ZNF610: variants seen among roughly 807,000 people sequenced by gnomAD.
ZNF610 encodes the protein zinc finger protein 610, also known as zink finger protein.
In ZNF610, 14 loss-of-function variants were observed where a neutral mutation model predicts 14.1. That is an observed-to-expected ratio of 0.99 (90% CI 0.65 to 1.55). The LOEUF is 1.55. Among genes scored for constraint, ZNF610 ranks in the 40% most tolerant of loss-of-function variants. The pLI is 0.00. For synonymous variants in ZNF610, 185 were observed against 187.6 expected (o/e 0.99, Z 0.11); for missense variants, 530 against 558.0 (o/e 0.95, Z 0.51).
chr19:52,360,084 C>T (rs1985707859), intron 5 of ZNF610, among the ~76,000 whole-genome samples: 1 of 152,202 alleles, frequency 6.6e-6, no homozygotes, highest in Non-Finnish European at 1.5e-5. Context: ...TCTGGAAGCT[C>T]TCTAAATGCA....
chr19:52,353,922 A>T, intron 4 of ZNF610, 114 bp downstream of exon 4: 2 of 1,354,338 alleles, frequency 1.5e-6, no homozygotes, highest in Non-Finnish European at 2.0e-6. Context: ...AACCTTGTTG[A>T]CTCAGAAATG....
Position 52,346,817 on chromosome 19 carries a change from C to A in ZNF610, c.-257-890C>A, listed in dbSNP as rs112553861. Among the ~76,000 whole-genome samples the A allele has an allele frequency of 6.7e-3, 1,016 of 152,056 alleles. 12 individuals are homozygous for A. Among genetic ancestry groups the A allele is most frequent in the African/African-American group, 0.023 (954 of 41,446 alleles). On this transcript the variant is annotated intron_variant, in intron 1 of 5. Coordinates refer to ENST00000403906, the MANE Select transcript of ZNF610 (RefSeq NM_001161425.2). ...CGGTCTCGGCTCACTGGAACCTCCA[C>A]CTCCAGGGTTCAAGCAATTCTCCTG...
chr19:52,344,118 G>T (rs1054058659), intron 1 of ZNF610: 2 of 152,086 alleles, frequency 1.3e-5, no homozygotes, highest in East Asian at 1.9e-4. Flanking sequence ...TCTTATCACA[G>T]CACACAAGTC....
Position 52,353,777 on chromosome 19 carries a change from G to A in ZNF610, c.159G>A (p.Met53Ile). The A allele has an allele frequency of 1.2e-6, 2 of 1,613,286 alleles. No homozygotes were observed. The highest frequency in any genetic ancestry group is 1.7e-6 in the Non-Finnish European group (2 of 1,179,772). Reference sequence around the variant, plus strand: ...AGAGGGCTTTATACAGGGACGTGATGTTGGAGAACTACAGGAACCTGGTCT... The same window carrying A: ...AGAGGGCTTTATACAGGGACGTGATATTGGAGAACTACAGGAACCTGGTCT... ...PGQRALYRDVMLENYRNLVFL... is the reference protein window; with the variant it reads ...PGQRALYRDVILENYRNLVFL... Residue 53 changes from methionine to isoleucine, a missense_variant, in exon 4 of 6, where the codon ATG (methionine) becomes ATA (isoleucine). Physicochemically the swap from Met to Ile is conservative, Grantham distance 10. Transcript: ENST00000403906.
intron 5 of ZNF610, among the ~76,000 whole-genome samples, chr19:52,357,138 T>C (rs1216427470): frequency 6.6e-6 from 1 of 152,158 alleles, no homozygotes; most frequent in African/African-American, 2.4e-5. Flanking sequence ...GCTCCCTCTT[T>C]GGGTTTGATT....
At chr19:52,354,164 T>G in intron 4 of ZNF610, 87 bp from the exon 5 acceptor site, 1 of 1,547,136 alleles carries the variant, frequency 6.5e-7, no homozygotes, top group Non-Finnish European at 8.8e-7. Flanking sequence ...TCTTGATCCA[T>G]TTGCGATATC....
In ZNF610 at chr19:52,366,417, A is replaced by G. The variant is rs143480418; in HGVS notation, c.1039A>G (p.Asn347Asp). Residue 347 changes from asparagine (N) to aspartate (D), a missense_variant, in exon 6 of 6, where the codon AAT becomes GAT. Physicochemically the swap from Asn to Asp is conservative, Grantham distance 23 (BLOSUM62 1). Coordinates refer to ENST00000403906, the MANE Select transcript of ZNF610 (RefSeq NM_001161425.2). ...CACGGCGGAAAAACCTTACAAATGT[A>G]ATGAATGTGGCAAGGTCTTTAGTCT... ...SHTAEKPYKCNECGKVFSLLS... is the reference protein window; with the variant it reads ...SHTAEKPYKCDECGKVFSLLS... The G allele has an allele frequency of 2.5e-6, 4 of 1,614,086 alleles. No individual in the cohort carries two copies. The African/African-American group carries it at 4.0e-5, about 16-fold the overall frequency.
upstream of ZNF610, among the ~76,000 whole-genome samples, chr19:52,332,950 C>G (rs1984243979): frequency 1.3e-5 from 2 of 152,250 alleles, no homozygotes; most frequent in Admixed American, 6.5e-5. This position sits in a 1 kb window ranked among gnomAD's most constrained non-coding sequence, Gnocchi z 4.1. Context: ...ATTAGATCAG[C>G]CTTTGCTCAG....
At chr19:52,336,865 C>A (rs1984410304) in intron 1 of ZNF610, among the ~76,000 whole-genome samples, 2 of 152,190 alleles carry the variant, frequency 1.3e-5, no homozygotes. Context: ...GATTCTTCGT[C>A]CCAAATTCCA....
rs2122309253 is a variant in ZNF610 at position 52,365,790 on chromosome 19, C to G, written c.412C>G (p.Leu138Val). The G allele has an allele frequency of 1.2e-6, 2 of 1,614,166 alleles. No homozygotes were observed. The highest frequency in any genetic ancestry group is 2.2e-5 in the East Asian group (1 of 44,880). The change falls in exon 6 of 6, where the codon CTG (leucine) becomes GTG (valine). Residue 138 changes from leucine to valine, a missense_variant. Physicochemically the swap from Leu to Val is conservative, Grantham distance 32 (BLOSUM62 1). Transcript: ENST00000403906. ...TGAGGCACATCTGTCTGAATTGCAG[C>G]TGTTTCAAGCCGGAAGGAAAATTTA... ...TLEAHLSELQLFQAGRKIYRS... is the reference protein window; with the variant it reads ...TLEAHLSELQVFQAGRKIYRS...
chr19:52,353,948 C>A, intron 4 of ZNF610, 140 bp downstream of exon 4: 2 of 1,179,304 alleles, frequency 1.7e-6, no homozygotes, highest in East Asian at 2.4e-5. Flanking sequence ...CTCTATTATG[C>A]TCTCTGGATT....
chr19:52,347,666 T>G (rs1985025849), intron 1 of ZNF610, 41 bp from the exon 2 acceptor site: 1 of 152,144 alleles, frequency 6.6e-6, no homozygotes, highest in South Asian at 2.1e-4. Flanking sequence ...ACAGATGTGT[T>G]CCACCATGCC....
chr19:52,360,909 C>T (rs1212662894), intron 5 of ZNF610, among the ~76,000 whole-genome samples: 4 of 152,156 alleles, frequency 2.6e-5, no homozygotes, highest in Admixed American at 2.6e-4. Context: ...TGACACTAGC[C>T]TTATTGAATG....
upstream of ZNF610, among the ~76,000 whole-genome samples, chr19:52,333,853 T>C (rs321926): frequency 0.8 from 122,274 of 152,166 alleles, 50,123 homozygotes; most frequent in African/African-American, 0.96. Flanking sequence ...TGTCTTAACC[T>C]ACTGATTACA....
At chr19:52,336,138 C>G (rs77114561), upstream of ZNF610, 132 of 164,808 alleles carry the variant, frequency 8.0e-4, 1 homozygote, top group East Asian at 0.016. Context: ...TCCAGCCTCA[C>G]TGCCAGCAAA....
chr19:52,349,105 G>A, intron 2 of ZNF610, 49 bp from the exon 3 acceptor site: 1 of 1,375,974 alleles, frequency 7.3e-7, no homozygotes, highest in Non-Finnish European at 1.0e-6. Context: ...GGCATAGGGA[G>A]GGGAATGTGT....
At chr19:52,361,661 T>C (rs1416136496) in intron 5 of ZNF610, among the ~76,000 whole-genome samples, 1 of 152,052 alleles carries the variant, frequency 6.6e-6, no homozygotes, top group Non-Finnish European at 1.5e-5. Flanking sequence ...GGTCTCATTA[T>C]GTTGCTCAGG....
chr19:52,342,459 A>C, intron 1 of ZNF610, among the ~76,000 whole-genome samples: 1 of 148,396 alleles, frequency 6.7e-6, no homozygotes, highest in African/African-American at 2.5e-5. Flanking sequence ...ACAGCCGATC[A>C]CTCCCTCTTC....
At chr19:52,342,289 T>A (rs1984722439) in intron 1 of ZNF610, among the ~76,000 whole-genome samples, 1 of 152,096 alleles carries the variant, frequency 6.6e-6, no homozygotes, top group Admixed American at 6.6e-5. Flanking sequence ...CTTCTATCTT[T>A]AAAACAAAAA....
Sources: gnomAD v4.1 joint callset for allele counts (sites outside exome capture counted in the v4.1 genomes callset) on GRCh38, gnomAD v4.1.1 for gene constraint, Gnocchi (gnomAD v3.1) non-coding constraint, MANE v1.5 for transcripts, NCBI Gene and HGNC (gene_info 2026-07-23, HGNC 2026-07-21) for gene names.